Variants in GRID2 observed in about 807,000 individuals in gnomAD.
GRID2 encodes the protein glutamate ionotropic receptor delta type subunit 2.
A neutral mutation model predicts 114.8 loss-of-function variants in GRID2; 33 were observed. The ratio of observed to expected loss-of-function variants is 0.29; its 90% CI spans 0.22 to 0.38. The LOEUF (loss-of-function observed/expected upper bound fraction) is 0.38, where lower values mean the gene tolerates loss of function less well. GRID2 is among the 10% of genes least tolerant of loss of function. The pLI is 1.00. For synonymous variants in GRID2, 505 were observed against 449.9 expected (o/e 1.12, Z -1.55); for missense variants, 1,184 against 1,257.7 (o/e 0.94, Z 0.89).
chr4:93,195,067 T>A (rs1741354786), intron 4 of GRID2, among the ~76,000 whole-genome samples: 1 of 152,310 alleles, frequency 6.6e-6, no homozygotes, highest in South Asian at 2.1e-4. Context: ...TGTTCTAATT[T>A]TTTTATGTAT....
intron 2 of GRID2, among the ~76,000 whole-genome samples, chr4:92,729,866 G>C (rs1736249502): frequency 6.6e-6 from 1 of 151,654 alleles, no homozygotes; most frequent in Non-Finnish European, 1.5e-5. Context: ...CCATTGTTTT[G>C]GGTTTCCCAT....
chr4:93,084,135 A>C (rs1436218616), intron 2 of GRID2, among the ~76,000 whole-genome samples: 2 of 152,106 alleles, frequency 1.3e-5, no homozygotes, highest in African/African-American at 2.4e-5. Flanking sequence ...CTTATTTTTA[A>C]TTTTTTATCT....
At chr4:92,964,930 T>C (rs1439252088) in intron 2 of GRID2, among the ~76,000 whole-genome samples, 2 of 152,070 alleles carry the variant, frequency 1.3e-5, no homozygotes, top group Admixed American at 6.6e-5. Flanking sequence ...ATTTAATTTC[T>C]TTCATGAACT....
chr4:92,987,918 C>A (rs1754611803), intron 2 of GRID2, among the ~76,000 whole-genome samples: 1 of 151,986 alleles, frequency 6.6e-6, no homozygotes, highest in Admixed American at 6.6e-5. Context: ...TTTGTGCTTC[C>A]TCATGAGATG....
intron 2 of GRID2, among the ~76,000 whole-genome samples, chr4:92,952,077 A>C (rs1752079720): frequency 6.6e-6 from 1 of 152,172 alleles, no homozygotes; most frequent in Admixed American, 6.5e-5. Context: ...TCAAAAGTTA[A>C]ATTGTTTGAT....
At chr4:92,806,012 CAAATAT>C (rs1350568629) in intron 2 of GRID2, among the ~76,000 whole-genome samples, 1 of 151,770 alleles carries the variant, frequency 6.6e-6, no homozygotes, top group East Asian at 1.9e-4. Context: ...TCATTATGTT[CAAATAT>C]ATACAAATTC....
chr4:92,989,209 G>A (rs1235407132), intron 2 of GRID2, among the ~76,000 whole-genome samples: 7 of 149,196 alleles, frequency 4.7e-5, no homozygotes, highest in African/African-American at 1.2e-4. Context: ...CCCGGGAGGC[G>A]GAGGTTGCAG....
intron 2 of GRID2, among the ~76,000 whole-genome samples, chr4:92,590,503 A>G (rs1255362564): frequency 1.3e-5 from 2 of 150,458 alleles, no homozygotes; most frequent in Non-Finnish European, 3.0e-5. Context: ...GAAATATAAT[A>G]TGAAAATGAA....
rs963959352 is a variant in GRID2 at position 92,378,409 on chromosome 4, G to A, written c.88+73665G>A. Among the ~76,000 whole-genome samples, 9 of 152,040 alleles carry A rather than the reference G, an allele frequency of 5.9e-5. No individual in the cohort carries two copies. In the East Asian group the frequency reaches 1.5e-3, roughly 26 times the overall value. On this transcript the variant is annotated intron_variant, in intron 1 of 15. Coordinates refer to ENST00000282020, the MANE Select transcript of GRID2 (RefSeq NM_001510.4). ...GTTTAGTGCTGGATTTACAGTTTAAGGATTGTATTTAATGAAAGCCTCTCA... is the reference window on the plus strand; with the variant it reads ...GTTTAGTGCTGGATTTACAGTTTAAAGATTGTATTTAATGAAAGCCTCTCA...
intron 1 of GRID2, among the ~76,000 whole-genome samples, chr4:93,803,021 T>C (rs963692368): frequency 5.3e-5 from 8 of 152,192 alleles, no homozygotes; most frequent in African/African-American, 1.9e-4. Flanking sequence ...TGTTTGAACA[T>C]AGAAAGTGTT....
intron 4 of GRID2, among the ~76,000 whole-genome samples, chr4:93,142,199 C>T (rs1354520858): frequency 1.6e-4 from 24 of 152,016 alleles, no homozygotes; most frequent in Admixed American, 1.3e-3. Flanking sequence ...GTTGATGGAG[C>T]GGGACCCTAT....
intron 2 of GRID2, among the ~76,000 whole-genome samples, chr4:92,751,733 G>C (rs1224975907): frequency 6.6e-6 from 1 of 152,138 alleles, no homozygotes; most frequent in East Asian, 1.9e-4. Context: ...ATACTATACT[G>C]TAATGATTTT....
intron 14 of GRID2, among the ~76,000 whole-genome samples, chr4:93,751,762 A>G (rs1256901924): frequency 6.6e-6 from 1 of 152,142 alleles, no homozygotes; most frequent in Non-Finnish European, 1.5e-5. Flanking sequence ...AGAATGTGCT[A>G]AAGGGTGATA....
chr4:93,794,619 T>G (rs1734760070), intron 1 of GRID2, among the ~76,000 whole-genome samples: 1 of 152,232 alleles, frequency 6.6e-6, no homozygotes, highest in Non-Finnish European at 1.5e-5. Flanking sequence ...TCAAATCTGA[T>G]GCCTGCTAAC....
chr4:92,985,286 C>A (rs753149647), intron 2 of GRID2, among the ~76,000 whole-genome samples: 29 of 150,486 alleles, frequency 1.9e-4, no homozygotes, highest in Admixed American at 5.3e-4. Flanking sequence ...TGCAGTGGCG[C>A]GATCTCAGCT....
In GRID2 at chr4:92,958,110, T is replaced by C. The variant is rs76027071; in HGVS notation, c.245-126885T>C. 4.5e-3 allele frequency among the ~76,000 whole-genome samples: 682 copies of C among 152,204 alleles called. 4 individuals carry two copies. Among genetic ancestry groups the C allele is most frequent in the African/African-American group, 0.016 (666 of 41,562 alleles). On this transcript the variant is annotated intron_variant, in intron 2 of 15. Transcript: ENST00000282020. The stretch of plus-strand genomic sequence containing the variant: ...ATATCACCTGTGTACAAAGACACTT[T>C]TAATTCTTCTACACCAGTAAGTATA...
intron 8 of GRID2, among the ~76,000 whole-genome samples, chr4:93,254,903 T>C (rs75137201): frequency 0.011 from 1,720 of 152,264 alleles, 36 homozygotes; most frequent in African/African-American, 0.039. Context: ...TTTTTATTTA[T>C]TGAAAGTCAT....
intron 2 of GRID2, among the ~76,000 whole-genome samples, chr4:92,919,557 G>T (rs931177432): frequency 2.6e-5 from 4 of 152,116 alleles, no homozygotes; most frequent in Non-Finnish European, 5.9e-5. Flanking sequence ...TTGTGTCTTT[G>T]TTCTCATTGG....
intron 8 of GRID2, among the ~76,000 whole-genome samples, chr4:93,372,782 A>G (rs1295416831): frequency 6.6e-6 from 1 of 152,204 alleles, no homozygotes; most frequent in African/African-American, 2.4e-5. Context: ...TATATACCAG[A>G]TACCAGTTAT....
Sources: allele counts gnomAD v4.1 joint callset (sites outside exome capture counted in the v4.1 genomes callset), GRCh38; gene constraint gnomAD v4.1.1; transcripts MANE v1.5; gene names NCBI Gene and HGNC (gene_info 2026-07-23, HGNC 2026-07-21).